MYO1F: variants seen among roughly 807,000 people sequenced by gnomAD.
MYO1F encodes the protein myosin IF.
In MYO1F, 60 loss-of-function variants were observed where a neutral mutation model predicts 146.6. The observed-to-expected ratio is 0.41, with a 90% CI of 0.33 to 0.51. MYO1F has a LOEUF of 0.51. Among genes scored for constraint, MYO1F ranks in the 20% least tolerant of loss-of-function variants. The pLI, the probability that MYO1F is intolerant of heterozygous loss-of-function variation, is 0.25. For synonymous variants in MYO1F, 602 were observed against 602.1 expected, an observed-to-expected ratio of 1.00 and a Z score of 0.00; for missense variants, 1,274 against 1,534.3, an observed-to-expected ratio of 0.83 and a Z score of 2.83.
intron 14 of MYO1F, among the ~76,000 whole-genome samples, chr19:8,543,158 C>T (rs1055935889): frequency 6.6e-6 from 1 of 152,236 alleles, no homozygotes. Flanking sequence ...CCCGCCTCAG[C>T]CTCCCAAAGT....
At chr19:8,523,211 T>A (rs1335606687) in intron 25 of MYO1F, among the ~76,000 whole-genome samples, 4 of 151,978 alleles carry the variant, frequency 2.6e-5, no homozygotes, top group African/African-American at 4.8e-5. Flanking sequence ...TTTTAAATAT[T>A]TTTAGTAGAG....
chr19:8,571,692 A>G (rs2042111973), intron 1 of MYO1F, among the ~76,000 whole-genome samples: 2 of 148,892 alleles, frequency 1.3e-5, no homozygotes, highest in African/African-American at 2.5e-5. Flanking sequence ...CTGCCTCCCG[A>G]GTTCACGCCA....
At chr19:8,542,143 T>C (rs1599949754) in intron 14 of MYO1F, 152 bp from the exon 15 acceptor site, 1 of 632,462 alleles carries the variant, frequency 1.6e-6, no homozygotes, top group South Asian at 1.6e-5. Flanking sequence ...GGCTGGGGGG[T>C]ATCTACAGTT....
intron 1 of MYO1F, among the ~76,000 whole-genome samples, chr19:8,563,678 T>A (rs1255498331): frequency 1.3e-5 from 2 of 151,538 alleles, no homozygotes; most frequent in East Asian, 3.9e-4. Flanking sequence ...CCAGCTAATT[T>A]TTTTTGTATT....
chr19:8,538,497 G>C (rs917335298), intron 16 of MYO1F, among the ~76,000 whole-genome samples: 1 of 151,504 alleles, frequency 6.6e-6, no homozygotes, highest in Non-Finnish European at 1.5e-5. Flanking sequence ...GGCCAGGCTG[G>C]TCTTGAAATC....
In MYO1F at chr19:8,554,499, C is replaced by T; in HGVS notation, c.304G>A (p.Glu102Lys). ...NMYRNMLIDC[E>K]NQCVIISGES... The stretch of plus-strand genomic sequence containing the variant: ...TACCTAATGATGACACACTGGTTCT[C>T]ACAGTCGATAAGCATGTTCCGGTAC... The change falls in exon 4 of 28, where the codon GAG becomes AAG. Residue 102 changes from glutamate to lysine, a missense_variant. Glu to Lys is a moderately conservative substitution (Grantham distance 56). Coordinates refer to ENST00000644032, the MANE Select transcript of MYO1F (RefSeq NM_012335.4). 1 of 1,612,344 alleles carries T rather than the reference C, an allele frequency of 6.2e-7. No individual in the cohort carries two copies. The highest frequency in any genetic ancestry group is 8.5e-7 in the Non-Finnish European group (1 of 1,178,756).
At position 8,553,333 on chromosome 19, in the gene MYO1F, T is replaced by C. The variant is rs776274799; in HGVS notation, c.414+17A>G. On this transcript the variant is annotated intron_variant, in intron 5 of 27. Coordinates refer to ENST00000644032, the MANE Select transcript of MYO1F (RefSeq NM_012335.4). ...GTGAGGGCGACCCAGCTTATCCTTCTGTTTTCCTCGTCTCACCTGGACCTT... is the reference window on the plus strand; with the variant it reads ...GTGAGGGCGACCCAGCTTATCCTTCCGTTTTCCTCGTCTCACCTGGACCTT... 6.2e-7 allele frequency: 1 copy of C among 1,613,674 alleles called. No individual in the cohort carries two copies. Among genetic ancestry groups the C allele is most frequent in the Non-Finnish European group, 8.5e-7 (1 of 1,179,744 alleles).
intron 27 of MYO1F, 29 bp from the exon 28 acceptor site, chr19:8,521,633 C>A: frequency 6.2e-7 from 1 of 1,606,640 alleles, no homozygotes; most frequent in South Asian, 1.1e-5. Context: ...CTTGAGGTGC[C>A]CCTAGCTGGC....
At chr19:8,548,195 C>T (rs372763039) in intron 11 of MYO1F, 42 bp downstream of exon 11, 32 of 1,613,382 alleles carry the variant, frequency 2.0e-5, no homozygotes, top group Non-Finnish European at 2.7e-5. Flanking sequence ...CCTGGGCTGC[C>T]CCAGGGAGGA....
At chr19:8,531,896 T>A (rs1355739164) in intron 19 of MYO1F, among the ~76,000 whole-genome samples, 1 of 152,134 alleles carries the variant, frequency 6.6e-6, no homozygotes, top group East Asian at 1.9e-4. Context: ...GGTGGGCGGA[T>A]CACCTGAGGT....
intron 1 of MYO1F, among the ~76,000 whole-genome samples, chr19:8,561,890 T>C (rs1168283966): frequency 6.6e-6 from 1 of 151,932 alleles, no homozygotes; most frequent in African/African-American, 2.4e-5. Context: ...CTAATTTTTG[T>C]ATTTTTAGTA....
intron 1 of MYO1F, among the ~76,000 whole-genome samples, chr19:8,561,514 TTCTC>T (rs753190470): frequency 2.8e-5 from 4 of 140,696 alleles, no homozygotes; most frequent in African/African-American, 5.4e-5. Context: ...TCTCTCATTC[TTCTC>T]TCTTTCTCTC....
At chr19:8,574,695 TTCTC>T (rs1303347654) in intron 1 of MYO1F, among the ~76,000 whole-genome samples, 3 of 109,742 alleles carry the variant, frequency 2.7e-5, no homozygotes, top group African/African-American at 5.8e-5. Flanking sequence ...TCCTTTCTCT[TTCTC>T]TCTTTCTTTC....
chr19:8,528,912 A>G (rs964350277), intron 21 of MYO1F, among the ~76,000 whole-genome samples: 1 of 152,024 alleles, frequency 6.6e-6, no homozygotes, highest in Non-Finnish European at 1.5e-5. Flanking sequence ...GTGAATGTGC[A>G]AGCCGGTTGA....
chr19:8,545,538 G>T, intron 13 of MYO1F, 112 bp downstream of exon 13: 1 of 882,896 alleles, frequency 1.1e-6, no homozygotes, highest in South Asian at 1.3e-5. Flanking sequence ...CCTGAGTGTA[G>T]GGTAGAGAAG....
chr19:8,522,315 C>T (rs1006424012), intron 27 of MYO1F, 62 bp downstream of exon 27: 1 of 1,608,088 alleles, frequency 6.2e-7, no homozygotes, highest in Non-Finnish European at 8.5e-7. Context: ...AGCCACCGCG[C>T]CCGGCCGATG....
intron 19 of MYO1F, among the ~76,000 whole-genome samples, chr19:8,535,187 C>T (rs940065878): frequency 1.3e-5 from 2 of 152,190 alleles, no homozygotes; most frequent in African/African-American, 4.8e-5. Context: ...GCTGAGATTA[C>T]AGGTGTGAGC....
At chr19:8,557,821 G>C (rs756719190) in intron 1 of MYO1F, among the ~76,000 whole-genome samples, 7 of 151,906 alleles carry the variant, frequency 4.6e-5, no homozygotes, top group Non-Finnish European at 1.0e-4. Context: ...CACATCCCCC[G>C]TCCCCTCCCC....
rs560585816 is a variant in MYO1F, at chr19:8,554,418, G to A, written c.326+59C>T. 8.0e-5 allele frequency: 113 copies of A among 1,419,462 alleles called. No homozygotes were observed. In the Admixed American group the frequency reaches 1.6e-3, roughly 20 times the overall value. 87.9% of individuals were successfully genotyped at this position (1,419,462 alleles called of 1,614,324 possible). On this transcript the variant is annotated intron_variant, in intron 4 of 27. Transcript: ENST00000644032. ...TTTCAGGCAAACCTCCCTGGGGGTG[G>A]TGATGTTTCAGCAGGGGCCCGGGCA... is the stretch of plus-strand genomic sequence containing the variant.
Sources: gnomAD v4.1 joint callset for allele counts (sites outside exome capture counted in the v4.1 genomes callset) on GRCh38, gnomAD v4.1.1 for gene constraint, MANE v1.5 for transcripts, NCBI Gene and HGNC (gene_info 2026-07-23, HGNC 2026-07-21) for gene names.